Variants in ACSM1 observed in about 807,000 individuals in gnomAD.
The protein encoded by ACSM1 is acyl-CoA synthetase medium chain family member 1, also known as acyl-coenzyme A synthetase ACSM1, mitochondrial.
A neutral mutation model predicts 75.8 loss-of-function variants in ACSM1; 79 were observed. The observed-to-expected ratio is 1.04, with a 90% CI of 0.87 to 1.26. ACSM1 has a LOEUF of 1.26. Ranked by LOEUF, ACSM1 falls within the 50% of genes most tolerant of loss-of-function variation. The probability of loss-of-function intolerance (pLI) is 0.00; values close to 1 mark genes in which losing one functional copy is unlikely to be tolerated. For synonymous variants in ACSM1, 279 were observed against 265.8 expected (o/e 1.05, Z -0.48); for missense variants, 676 against 720.1 (o/e 0.94, Z 0.70).
intron 7 of ACSM1, among the ~76,000 whole-genome samples, chr16:20,642,518 T>C (rs1023681745): frequency 2.0e-5 from 3 of 152,244 alleles, no homozygotes; most frequent in Admixed American, 6.5e-5. Flanking sequence ...CCTTGAAGCA[T>C]GGCAATTTCC....
At chr16:20,677,613 G>A (rs148448504) in intron 4 of ACSM1, among the ~76,000 whole-genome samples, 4 of 152,270 alleles carry the variant, frequency 2.6e-5, no homozygotes, top group East Asian at 1.9e-4. Context: ...TAGGCCCCTT[G>A]GGGAGCCAGA....
At position 20,630,648 on chromosome 16, in the gene ACSM1, T is replaced by C. The variant is rs532905889; in HGVS notation, c.1300-3332A>G. Among the ~76,000 whole-genome samples the C allele has an allele frequency of 7.9e-5, 12 of 152,198 alleles. No homozygotes were observed. The East Asian group carries it at 2.3e-3, about 29-fold the overall frequency. On this transcript the variant is annotated intron_variant, in intron 10 of 13. Transcript: ENST00000520010. Reference sequence around the variant, plus strand: ...GAAGATCAATAAGAAAATGGAGGACTCGAACACCACCACAAATTAACTGGA... The same window carrying C: ...GAAGATCAATAAGAAAATGGAGGACCCGAACACCACCACAAATTAACTGGA...
At chr16:20,677,307 C>T (rs234279) in intron 4 of ACSM1, among the ~76,000 whole-genome samples, 77,713 of 151,710 alleles carry the variant, frequency 0.51, 22,383 homozygotes, top group East Asian at 0.86. Flanking sequence ...TTCTTGTATG[C>T]CCATAAGTGA....
chr16:20,673,902 AGGAACAT>A, intron 4 of ACSM1: 1 of 266,542 alleles, frequency 3.8e-6, no homozygotes, highest in South Asian at 3.5e-5. Flanking sequence ...TTTTAATGAG[AGGAACAT>A]GGAAGGTTGA....
chr16:20,644,259 A>AT (rs370317728), intron 7 of ACSM1, among the ~76,000 whole-genome samples: 1 of 152,342 alleles, frequency 6.6e-6, no homozygotes, highest in Non-Finnish European at 1.5e-5. Flanking sequence ...AAGTAGAAAA[A>AT]TAACTTAGAA....
In ACSM1 at chr16:20,685,399, C is replaced by A; in HGVS notation, c.197G>T (p.Gly66Val). The change falls in exon 3 of 14, where the codon GGC becomes GTC. Residue 66 changes from glycine (G) to valine (V), a missense_variant. Coordinates refer to ENST00000520010, the MANE Select transcript of ACSM1 (RefSeq NM_001318890.3). ...LDYWAQKEKE[G>V]KRGPNPAFWW... ...AAAAGCTGGATTTGGACCTCTCTTG[C>A]CCTCCTGGTCAAGACCATATATTAT... The A allele has an allele frequency of 6.2e-7, 1 of 1,613,972 alleles. No individual in the cohort carries two copies. The highest frequency in any genetic ancestry group is 8.5e-7 in the Non-Finnish European group (1 of 1,179,800).
intron 6 of ACSM1, among the ~76,000 whole-genome samples, chr16:20,667,342 T>C (rs990511192): frequency 6.6e-6 from 1 of 152,002 alleles, no homozygotes. Context: ...AATTAAAAAA[T>C]GGGCAAAGTA....
Position 20,625,458 on chromosome 16 carries a change from C to A in ACSM1, c.1492G>T (p.Ala498Ser). ...ATCGGGTCTGGGCTGCCCACCACGG[C>A]TGACTCCGCCACCGCTGGGTGCTCC... ...LVEHPAVAESAVVGSPDPIRG... is the reference protein window; with the variant it reads ...LVEHPAVAESSVVGSPDPIRG... Residue 498 changes from alanine (A) to serine (S), a missense_variant, in exon 12 of 14, where the codon GCC becomes TCC. Physicochemically the swap from Ala to Ser is moderately conservative, Grantham distance 99. Transcript: ENST00000520010. 1.2e-6 allele frequency: 2 copies of A among 1,614,158 alleles called. No homozygotes were observed. The highest frequency in any genetic ancestry group is 2.2e-5 in the East Asian group (1 of 44,868).
chr16:20,630,996 T>C (rs1218216078), intron 10 of ACSM1, among the ~76,000 whole-genome samples: 1 of 152,212 alleles, frequency 6.6e-6, no homozygotes, highest in Non-Finnish European at 1.5e-5. Flanking sequence ...AAACACAGCA[T>C]ATTAAAACTT....
chr16:20,641,542 G>C (rs553885542), intron 7 of ACSM1, among the ~76,000 whole-genome samples: 1 of 152,164 alleles, frequency 6.6e-6, no homozygotes, highest in East Asian at 1.9e-4. Context: ...ACCATCACAG[G>C]TGTTCATCAT....
chr16:20,668,563 G>T (rs189410870), intron 6 of ACSM1, among the ~76,000 whole-genome samples: 42 of 152,304 alleles, frequency 2.8e-4, no homozygotes, highest in African/African-American at 1.0e-3. Context: ...CAACTAGCAG[G>T]TTGGAAATGT....
At chr16:20,636,303 C>T (rs1016276409) in intron 10 of ACSM1, among the ~76,000 whole-genome samples, 1 of 151,972 alleles carries the variant, frequency 6.6e-6, no homozygotes, top group South Asian at 2.1e-4. Context: ...TTTTTTTAAT[C>T]CTAAACCTAC....
Position 20,653,220 on chromosome 16 carries a change from C to T in ACSM1, c.992+8574G>A, listed in dbSNP as rs193295853. Among the ~76,000 whole-genome samples the T allele has an allele frequency of 2.5e-4, 38 of 152,166 alleles. 1 individual carries two copies. Among genetic ancestry groups the T allele is most frequent in the Admixed American group, 2.0e-3 (31 of 15,284 alleles). On this transcript the variant is annotated intron_variant, in intron 7 of 13. Transcript: ENST00000520010. ...ATTCAACAGCCCCTCATGTTAAAAA[C>T]TCTCAATAAATTAGGTATTGATGGG...
chr16:20,668,099 C>A (rs564643530), intron 6 of ACSM1, among the ~76,000 whole-genome samples: 1 of 152,072 alleles, frequency 6.6e-6, no homozygotes, highest in Non-Finnish European at 1.5e-5. Context: ...ATTCTTACTC[C>A]AAACCTCAGA....
chr16:20,637,297 T>C, intron 9 of ACSM1, 74 bp downstream of exon 9: 1 of 1,184,558 alleles, frequency 8.4e-7, no homozygotes, highest in South Asian at 1.2e-5. Flanking sequence ...GCGGCTGGTG[T>C]TGTCACCTGG....
intron 10 of ACSM1, among the ~76,000 whole-genome samples, chr16:20,635,636 CTTTCTTTCTTT>C (rs2017657186): frequency 1.2e-5 from 1 of 81,376 alleles, no homozygotes; most frequent in Admixed American, 1.2e-4. Context: ...TTCTTTCTTT[CTTTCTTTCTTT>C]CTTTCATTTT....
intron 4 of ACSM1, among the ~76,000 whole-genome samples, chr16:20,676,513 G>A (rs528521913): frequency 1.8e-4 from 28 of 152,320 alleles, no homozygotes; most frequent in Non-Finnish European, 3.5e-4. Context: ...GGAGATATCA[G>A]GCACAAATTG....
chr16:20,624,321 C>A, intron 12 of ACSM1, 106 bp from the exon 13 acceptor site: 1 of 1,341,890 alleles, frequency 7.5e-7, no homozygotes, highest in Non-Finnish European at 9.9e-7. Context: ...CTGAACCCTA[C>A]AGTGTTTTGG....
chr16:20,627,363 G>A, intron 10 of ACSM1, 47 bp from the exon 11 acceptor site: 1 of 1,529,674 alleles, frequency 6.5e-7, no homozygotes, highest in Non-Finnish European at 8.7e-7. Flanking sequence ...GAATTTAGAG[G>A]TGATGAGCCA....
Sources: allele counts gnomAD v4.1 joint callset (sites outside exome capture counted in the v4.1 genomes callset), GRCh38; gene constraint gnomAD v4.1.1; transcripts MANE v1.5; gene names NCBI Gene and HGNC (gene_info 2026-07-23, HGNC 2026-07-21).